Variants in ACER3 observed in about 807,000 individuals in gnomAD.
ACER3 encodes alkCDase 3.
Under a neutral mutation model 48.9 loss-of-function variants are expected in ACER3, and 16 were observed. The ratio of observed to expected loss-of-function variants is 0.33; its 90% CI spans 0.22 to 0.50. The LOEUF (loss-of-function observed/expected upper bound fraction) is 0.50. ACER3 is among the 20% of genes least tolerant of loss of function. The pLI, the probability that ACER3 is intolerant of heterozygous loss-of-function variation, is 0.98. For synonymous variants in ACER3, 109 were observed against 107.8 expected, an observed-to-expected ratio of 1.01 and a Z score of -0.07; for missense variants, 227 against 326.0, an observed-to-expected ratio of 0.70 and a Z score of 2.34.
intron 1 of ACER3, among the ~76,000 whole-genome samples, chr11:76,896,432 G>T (rs1945931651): frequency 6.6e-6 from 1 of 151,904 alleles, no homozygotes; most frequent in Non-Finnish European, 1.5e-5. Flanking sequence ...GCTAAGGCGG[G>T]CAGATCGCTT....
At chr11:76,926,781 T>C (rs1010116624) in intron 2 of ACER3, 114 bp downstream of exon 2, 15 of 634,078 alleles carry the variant, frequency 2.4e-5, no homozygotes, top group Non-Finnish European at 3.9e-5. Context: ...GAATATATTC[T>C]GAAACTTCTT....
intron 2 of ACER3, among the ~76,000 whole-genome samples, chr11:76,933,454 G>A (rs1444925173): frequency 4.0e-5 from 6 of 148,956 alleles, no homozygotes; most frequent in East Asian, 2.0e-4. Context: ...TGTGTCCCTG[G>A]GTACTTGAGA....
In ACER3 at chr11:76,951,594, G is replaced by T. The variant is rs149606281; in HGVS notation, c.215-7385G>T. Among the ~76,000 whole-genome samples the T allele has an allele frequency of 3.9e-5, 6 of 152,220 alleles. No individual in the cohort carries two copies. In the East Asian group the frequency reaches 1.2e-3, roughly 29 times the overall value. On this transcript the variant is annotated intron_variant, in intron 2 of 10. Coordinates refer to ENST00000532485, the MANE Select transcript of ACER3 (RefSeq NM_018367.7). ...GTTCACTTTAGAGAGCTAATTTCAG[G>T]CACCTTATTTTATTTCTCCCCCTTC... is the stretch of plus-strand genomic sequence containing the variant.
intron 8 of ACER3, among the ~76,000 whole-genome samples, chr11:77,015,932 C>T (rs544169380): frequency 1.3e-5 from 2 of 152,066 alleles, no homozygotes; most frequent in South Asian, 4.2e-4. Flanking sequence ...CATGGTGAAA[C>T]CCTGTCTTTA....
intron 1 of ACER3, among the ~76,000 whole-genome samples, chr11:76,904,519 T>C (rs1440665778): frequency 6.6e-6 from 1 of 152,108 alleles, no homozygotes; most frequent in Non-Finnish European, 1.5e-5. Context: ...TCTCCCTAAA[T>C]TGTATAAAGC....
chr11:76,922,969 A>G (rs1946725437), intron 1 of ACER3, among the ~76,000 whole-genome samples: 2 of 152,176 alleles, frequency 1.3e-5, no homozygotes, highest in Admixed American at 6.5e-5. Flanking sequence ...ACTATTCCCA[A>G]CGATCTTACT....
chr11:76,872,911 CTT>C (rs59654087), intron 1 of ACER3, among the ~76,000 whole-genome samples: 4 of 68,700 alleles, frequency 5.8e-5, no homozygotes, highest in Admixed American at 1.9e-4. Context: ...TTTTCTTTTT[CTT>C]TTTTTTTTTT....
At chr11:77,017,235 C>T (rs1198113651) in intron 9 of ACER3, among the ~76,000 whole-genome samples, 2 of 151,596 alleles carry the variant, frequency 1.3e-5, no homozygotes. Context: ...ATTGACAAAC[C>T]TTAGCAAGAC....
chr11:76,897,203 C>T (rs1055370265), intron 1 of ACER3, among the ~76,000 whole-genome samples: 1 of 152,084 alleles, frequency 6.6e-6, no homozygotes, highest in East Asian at 1.9e-4. Context: ...GTGATCTGCC[C>T]GTTTCAGCCA....
intron 6 of ACER3, among the ~76,000 whole-genome samples, chr11:76,990,999 G>A (rs1342331289): frequency 6.6e-6 from 1 of 152,154 alleles, no homozygotes; most frequent in Non-Finnish European, 1.5e-5. Context: ...AGCAGACACA[G>A]GAAACTTTAT....
At chr11:77,013,374 T>C (rs1380055745) in intron 7 of ACER3, among the ~76,000 whole-genome samples, 1 of 152,148 alleles carries the variant, frequency 6.6e-6, no homozygotes, top group East Asian at 1.9e-4. Flanking sequence ...ACAAAGTACC[T>C]ACATGTAAAA....
At chr11:76,978,792 C>A (rs1484512653) in intron 4 of ACER3, among the ~76,000 whole-genome samples, 1 of 152,194 alleles carries the variant, frequency 6.6e-6, no homozygotes, top group African/African-American at 2.4e-5. Flanking sequence ...TCTGGCATCT[C>A]CCAGTTTCCA....
chr11:77,019,628 G>T, intron 9 of ACER3, 103 bp from the exon 10 acceptor site: 3 of 1,080,188 alleles, frequency 2.8e-6, no homozygotes, highest in Middle Eastern at 2.0e-4. Context: ...TGTTGTTTTT[G>T]CTTCGTACAT....
chr11:76,921,900 G>A (rs1251831589), intron 1 of ACER3, among the ~76,000 whole-genome samples: 1 of 152,038 alleles, frequency 6.6e-6, no homozygotes, highest in Admixed American at 6.6e-5. Context: ...TATATGTTGT[G>A]TTTTATTTAT....
intron 7 of ACER3, among the ~76,000 whole-genome samples, chr11:77,006,535 C>T (rs998272375): frequency 7.2e-5 from 11 of 151,964 alleles, no homozygotes; most frequent in African/African-American, 2.4e-5. Context: ...GAAATGTAGT[C>T]TCTTAGGTTT....
chr11:76,963,175 A>G (rs1253070418), intron 3 of ACER3, among the ~76,000 whole-genome samples: 3 of 151,324 alleles, frequency 2.0e-5, no homozygotes, highest in Non-Finnish European at 4.4e-5. Context: ...CTTTTCAGAC[A>G]TGTACACAGT....
At chr11:76,957,936 C>CTTT (rs35745158) in intron 2 of ACER3, among the ~76,000 whole-genome samples, 1 of 149,288 alleles carries the variant, frequency 6.7e-6, no homozygotes, top group South Asian at 2.1e-4. Context: ...AACACAGAAT[C>CTTT]TTTTTATTTT....
At chr11:76,891,115 TA>T (rs142772942) in intron 1 of ACER3, among the ~76,000 whole-genome samples, 60,000 of 147,140 alleles carry the variant, frequency 0.41, 14,576 homozygotes, top group Non-Finnish European at 0.56. Flanking sequence ...CAAGACTGTC[TA>T]AAAAAAAAAA....
intron 5 of ACER3, among the ~76,000 whole-genome samples, chr11:76,988,285 A>G (rs1361470669): frequency 6.6e-6 from 1 of 152,182 alleles, no homozygotes; most frequent in Admixed American, 6.5e-5. Flanking sequence ...CATATGCACT[A>G]TTTACTTGTT....
Sources: gnomAD v4.1 joint callset for allele counts (sites outside exome capture counted in the v4.1 genomes callset) on GRCh38, gnomAD v4.1.1 for gene constraint, MANE v1.5 for transcripts, NCBI Gene and HGNC (gene_info 2026-07-23, HGNC 2026-07-21) for gene names.